FLII: variants seen among roughly 807,000 people sequenced by gnomAD.
FLII encodes the protein protein flightless-1 homolog.
In FLII, 101 loss-of-function variants were observed where a neutral mutation model predicts 156.2. The observed-to-expected ratio is 0.65, with a 90% confidence interval of 0.55 to 0.76. FLII has a LOEUF of 0.76. Ranked by LOEUF, FLII falls within the 30% of genes least tolerant of loss-of-function variation. FLII has a pLI of 0.00. For synonymous variants in FLII, 767 were observed against 685.8 expected, an observed-to-expected ratio of 1.12 and a Z score of -1.85; for missense variants, 1,675 against 1,682.8, an observed-to-expected ratio of 1.00 and a Z score of 0.08.
Position 18,253,759 on chromosome 17 carries a change from A to C in FLII, c.680-40T>G, listed in dbSNP as rs540431507. ...GGGGTGCATCAGCTGGGGCCCATAC[A>C]CCAGGTGCCAGGGCAGCCAGCCCTA... On this transcript the variant is annotated intron_variant, in intron 7 of 29. Coordinates refer to ENST00000327031, the MANE Select transcript of FLII (RefSeq NM_002018.4). 10 of 1,538,540 alleles carry C rather than the reference A, an allele frequency of 6.5e-6. No individual in the cohort carries two copies. In the African/African-American group the frequency reaches 8.2e-5, roughly 13 times the overall value.
intron 14 of FLII, 34 bp downstream of exon 14, chr17:18,250,804 A>C: frequency 1.3e-6 from 2 of 1,589,272 alleles, no homozygotes; most frequent in Non-Finnish European, 1.7e-6. Context: ...TGGGAACCCC[A>C]CTCTGCCCAC....
chr17:18,253,086 G>A (rs531890486), intron 9 of FLII, among the ~76,000 whole-genome samples: 7 of 152,218 alleles, frequency 4.6e-5, no homozygotes, highest in Non-Finnish European at 8.8e-5. Context: ...GGAGACAGAG[G>A]CTGCAGTCAG....
At position 18,247,758 on chromosome 17, in the gene FLII, C is replaced by T; in HGVS notation, c.2386G>A (p.Val796Met). The stretch of plus-strand genomic sequence containing the variant: ...CCCAGCTTGAGGGCGGCAGCGCGCA[C>T]CAGGCGCGGGGACTTGCGGCCGAGC... Reference protein sequence around the residue: ...IWLGRKSPRLVRAAALKLGQE... With the variant: ...IWLGRKSPRLMRAAALKLGQE... The change falls in exon 20 of 30, where the codon GTG becomes ATG. Residue 796 changes from valine (V) to methionine (M), a missense_variant. Coordinates refer to ENST00000327031, the MANE Select transcript of FLII (RefSeq NM_002018.4). The T allele has an allele frequency of 6.2e-7, 1 of 1,608,024 alleles. No individual in the cohort carries two copies. The highest frequency in any genetic ancestry group is 8.5e-7 in the Non-Finnish European group (1 of 1,179,868).
chr17:18,257,054 C>G (rs1406645071), intron 1 of FLII, 35 bp from the exon 2 acceptor site: 4 of 1,422,458 alleles, frequency 2.8e-6, no homozygotes, highest in Non-Finnish European at 3.9e-6. Flanking sequence ...GCACAGAGCC[C>G]CTGCTCACCA....
Position 18,245,437 on chromosome 17 carries a change from G to C in FLII, c.3610-18C>G. The C allele has an allele frequency of 6.2e-7, 1 of 1,613,872 alleles. No homozygotes were observed. Among genetic ancestry groups the C allele is most frequent in the African/African-American group, 1.3e-5 (1 of 75,058 alleles). On this transcript the variant is annotated intron_variant, in intron 28 of 29. Coordinates refer to ENST00000327031, the MANE Select transcript of FLII (RefSeq NM_002018.4). Reference sequence around the variant, plus strand: ...ATGTAGACCTGTGGGGGCAGCAGGGGAGATACGGTTGCATGGGTGCCTGGG... The same window carrying C: ...ATGTAGACCTGTGGGGGCAGCAGGGCAGATACGGTTGCATGGGTGCCTGGG...
At chr17:18,256,316 G>C (rs1264642150) in intron 3 of FLII, among the ~76,000 whole-genome samples, 1 of 152,216 alleles carries the variant, frequency 6.6e-6, no homozygotes, top group Non-Finnish European at 1.5e-5. Context: ...CCTTTTTCCT[G>C]ATGGAATTCT....
intron 15 of FLII, 59 bp from the exon 16 acceptor site, chr17:18,249,260 A>T (rs1427136516): frequency 3.7e-6 from 6 of 1,607,546 alleles, no homozygotes; most frequent in Non-Finnish European, 4.3e-6. Flanking sequence ...TAGCCCCAAC[A>T]CCCTCCCCTC....
chr17:18,246,710 C>T lies in FLII; in HGVS notation c.2935G>A (p.Asp979Asn). 6.2e-7 allele frequency: 1 copy of T among 1,613,478 alleles called. No individual in the cohort carries two copies. Among genetic ancestry groups the T allele is most frequent in the Non-Finnish European group, 8.5e-7 (1 of 1,179,742 alleles). Reference sequence around the variant, plus strand: ...CAGAAGTACACGATGCACTGGAAGTCCTCCTCTGGCTGCTTCTCCTCTGCC... The same window carrying T: ...CAGAAGTACACGATGCACTGGAAGTTCTCCTCTGGCTGCTTCTCCTCTGCC... ...AEAEEKQPEE[D>N]FQCIVYFWQG... The change falls in exon 23 of 30, where the codon GAC (aspartate) becomes AAC (asparagine). Residue 979 changes from aspartate (D) to asparagine (N), a missense_variant. Physicochemically the swap from Asp to Asn is conservative, Grantham distance 23. Transcript: ENST00000327031.
At chr17:18,245,718 G>A in intron 27 of FLII, 26 bp downstream of exon 27, 2 of 1,611,898 alleles carry the variant, frequency 1.2e-6, no homozygotes, top group Non-Finnish European at 1.7e-6. Flanking sequence ...CCAGGACTGA[G>A]GGGAGGGTCA....
In FLII at chr17:18,253,662, G is replaced by C. The variant is rs1285859272; in HGVS notation, c.737C>G (p.Pro246Arg). Residue 246 changes from proline to arginine, a missense_variant, in exon 8 of 30, where the codon CCC (proline) becomes CGC (arginine). By Grantham distance (103) the Pro-to-Arg change is moderately radical (BLOSUM62 -2). This residue lies in a region of FLII where 343 missense variants were observed against 413.5 expected (regional missense o/e 0.83). Coordinates refer to ENST00000327031, the MANE Select transcript of FLII (RefSeq NM_002018.4). ...TRVPECLYTL[P>R]SLRRLNLSSN... ...GCTGAGGTTGAGGCGGCGCAGGCTGGGGAGGGTGTACAGACACTCGGGCAC... is the reference window on the plus strand; with the variant it reads ...GCTGAGGTTGAGGCGGCGCAGGCTGCGGAGGGTGTACAGACACTCGGGCAC... 1 of 1,613,896 alleles carries C rather than the reference G, an allele frequency of 6.2e-7. No individual in the cohort carries two copies. The highest frequency in any genetic ancestry group is 8.5e-7 in the Non-Finnish European group (1 of 1,180,014).
At chr17:18,251,534 T>C in intron 12 of FLII, 57 bp from the exon 13 acceptor site, 2 of 1,568,298 alleles carry the variant, frequency 1.3e-6, no homozygotes, top group Non-Finnish European at 1.7e-6. Flanking sequence ...AGGCCAGTCT[T>C]TACTTGCTAC....
chr17:18,255,828 G>C (rs1031277836), intron 3 of FLII, among the ~76,000 whole-genome samples: 1 of 152,216 alleles, frequency 6.6e-6, no homozygotes, highest in East Asian at 1.9e-4. Flanking sequence ...GCTGCTTCAC[G>C]GGGTCACTGC....
chr17:18,258,349 G>T lies in FLII; in HGVS notation c.63+279C>A. On this transcript the variant is annotated intron_variant, in intron 1 of 29. Coordinates refer to ENST00000327031, the MANE Select transcript of FLII (RefSeq NM_002018.4). The surrounding 1 kb of genome is among the most constrained non-coding windows in gnomAD (Gnocchi z 4.2). ...CAGGCCACCATCCAGCCTAGACCGA[G>T]AACACGGACGCGGGGTGGGGGCTCC... The T allele has an allele frequency of 2.6e-6, 2 of 781,550 alleles. No homozygotes were observed. The highest frequency in any genetic ancestry group is 3.9e-6 in the Non-Finnish European group (2 of 506,548). The allele number at this position is 781,550 out of a possible 1,614,324, so 48.4% of individuals were successfully genotyped here.
At chr17:18,249,508 G>T in intron 14 of FLII, 100 bp from the exon 15 acceptor site, 1 of 843,018 alleles carries the variant, frequency 1.2e-6, no homozygotes, top group Non-Finnish European at 2.0e-6. Flanking sequence ...CAGGTGAATT[G>T]AGTGCTACAA....
At chr17:18,251,557 G>A in intron 12 of FLII, 80 bp from the exon 13 acceptor site, 2 of 1,563,956 alleles carry the variant, frequency 1.3e-6, no homozygotes, top group Non-Finnish European at 8.7e-7. Flanking sequence ...ACACCTCAGG[G>A]CCTTTGCACA....
intron 23 of FLII, 24 bp from the exon 24 acceptor site, chr17:18,246,486 G>A (rs2048059028): frequency 6.2e-7 from 1 of 1,613,228 alleles, no homozygotes; most frequent in Non-Finnish European, 8.5e-7. Flanking sequence ...AGTGTTAGGG[G>A]CAGCTCCCTG....
In FLII at chr17:18,250,227, T is replaced by A. The variant is rs574390408; in HGVS notation, c.1776+611A>T. Among the ~76,000 whole-genome samples, 5 of 152,240 alleles carry A rather than the reference T, an allele frequency of 3.3e-5. No homozygotes were observed. The East Asian group carries it at 9.6e-4, about 29-fold the overall frequency. On this transcript the variant is annotated intron_variant, in intron 14 of 29. Transcript: ENST00000327031. The stretch of plus-strand genomic sequence containing the variant: ...CACGTTTGTAAAGATGCCAGCAGCA[T>A]GTTTAGATGCACGCATATCAGGGTA...
In FLII at chr17:18,245,727, C is replaced by CA; in HGVS notation, c.3503+16dup. The CA allele has an allele frequency of 6.8e-6, 11 of 1,612,188 alleles. No homozygotes were observed. The highest frequency in any genetic ancestry group is 9.3e-6 in the Non-Finnish European group (11 of 1,178,372). The stretch of plus-strand genomic sequence containing the variant: ...GCAGTGCCAGGACTGAGGGGAGGGT[C>CA]AGGGCCCTGGCCTCACCGGAAGAGA... On this transcript the variant is annotated intron_variant, in intron 27 of 29. Coordinates refer to ENST00000327031, the MANE Select transcript of FLII (RefSeq NM_002018.4).
At position 18,245,154 on chromosome 17, in the gene FLII, C is replaced by T; in HGVS notation, c.3794G>A (p.Cys1265Tyr). ...TRCFHAWSAF[C>Y]KALA Reference sequence around the variant, plus strand: ...CAGCCTGTCTTAGGCCAGGGCCTTGCAGAAGGCGCTCCAGGCGTGGAAGCA... The same window carrying T: ...CAGCCTGTCTTAGGCCAGGGCCTTGTAGAAGGCGCTCCAGGCGTGGAAGCA... Residue 1265 changes from cysteine to tyrosine, a missense_variant, in exon 30 of 30, where the codon TGC (cysteine) becomes TAC (tyrosine). Transcript: ENST00000327031. The T allele has an allele frequency of 6.2e-7, 1 of 1,613,158 alleles. No individual in the cohort carries two copies. The highest frequency in any genetic ancestry group is 8.5e-7 in the Non-Finnish European group (1 of 1,179,550).
Sources: gnomAD v4.1 joint callset for allele counts (sites outside exome capture counted in the v4.1 genomes callset) on GRCh38, gnomAD v4.1.1 for gene constraint, gnomAD v4.1.1 regional missense constraint, Gnocchi (gnomAD v3.1) non-coding constraint, MANE v1.5 for transcripts, NCBI Gene and HGNC (gene_info 2026-07-23, HGNC 2026-07-21) for gene names.